Variants in INTS3 observed in about 807,000 individuals in gnomAD.
INTS3 encodes the protein SOSS complex subunit A.
A neutral mutation model predicts 146.3 loss-of-function variants in INTS3; 34 were observed. The ratio of observed to expected loss-of-function variants is 0.23; its 90% CI spans 0.18 to 0.31. The LOEUF (loss-of-function observed/expected upper bound fraction) is 0.31. Ranked by LOEUF, INTS3 falls within the 10% of genes least tolerant of loss-of-function variation. The pLI is 1.00. For missense variants in INTS3, 757 were observed against 1,304.2 expected (o/e 0.58, Z 6.46); for synonymous variants, 475 against 494.9 (o/e 0.96, Z 0.53).
intron 23 of INTS3, 64 bp from the exon 24 acceptor site, chr1:153,770,127 TGGGGGGG>T (rs371912410): frequency 1.0e-5 from 3 of 299,336 alleles, no homozygotes; most frequent in Admixed American, 4.4e-5. Flanking sequence ...GATGGGGGGG[TGGGGGGG>T]GTGTGTGTGT....
rs113417922 is a variant in INTS3, at chr1:153,730,203, G to A, written c.150+1419G>A. Among the ~76,000 whole-genome samples, 610 of 152,266 alleles carry A rather than the reference G, an allele frequency of 4.0e-3. 7 individuals are homozygous for A. The highest frequency in any genetic ancestry group is 0.014 in the African/African-American group (588 of 41,548). On this transcript the variant is annotated intron_variant, in intron 1 of 29. Transcript: ENST00000318967. ...ATGTCTACTTGCAGTCTGCCTTCCC[G>A]TCATGCTTTTCCCTCATAATTCTGT...
rs140298221 is a variant in INTS3 at position 153,768,566 on chromosome 1, C to T, written c.2245-327C>T. ...TATTTATTCTACCACTGCTCCCACA[C>T]AGAATCAGCCACCATGGCCAGTCCT... is the stretch of plus-strand genomic sequence containing the variant. On this transcript the variant is annotated intron_variant, in intron 21 of 29. Transcript: ENST00000318967. Among the ~76,000 whole-genome samples the T allele has an allele frequency of 2.8e-3, 423 of 152,358 alleles. 1 individual carries two copies. The highest frequency in any genetic ancestry group is 8.6e-3 in the African/African-American group (358 of 41,588).
At chr1:153,765,664 G>C (rs1672552560) in intron 20 of INTS3, among the ~76,000 whole-genome samples, 1 of 151,958 alleles carries the variant, frequency 6.6e-6, no homozygotes, top group African/African-American at 2.4e-5. Flanking sequence ...CCACCTCCCG[G>C]GTTCAAGCAA....
intron 23 of INTS3, 76 bp downstream of exon 23, chr1:153,769,920 A>G: frequency 6.4e-6 from 7 of 1,089,214 alleles, no homozygotes; most frequent in South Asian, 3.8e-5. Flanking sequence ...TTACACTATC[A>G]GGAAAGCTGG....
chr1:153,765,131 G>A, intron 20 of INTS3, 68 bp downstream of exon 20: 2 of 1,564,146 alleles, frequency 1.3e-6, no homozygotes, highest in Admixed American at 1.7e-5. Context: ...TCCACACGCT[G>A]ACTCCCCAAC....
intron 13 of INTS3, 33 bp downstream of exon 13, chr1:153,760,951 TC>T (rs1432102225): frequency 7.5e-6 from 12 of 1,599,486 alleles, no homozygotes; most frequent in Admixed American, 5.0e-5. Context: ...GAGGTTGTTT[TC>T]CCATTTTTCA....
At chr1:153,758,425 G>A (rs1484922639) in intron 10 of INTS3, among the ~76,000 whole-genome samples, 2 of 152,230 alleles carry the variant, frequency 1.3e-5, no homozygotes, top group Admixed American at 6.5e-5. Flanking sequence ...TAGTCTGACT[G>A]TTGCCTCAGC....
intron 1 of INTS3, among the ~76,000 whole-genome samples, chr1:153,740,194 G>A (rs1278103739): frequency 1.3e-5 from 2 of 151,906 alleles, no homozygotes; most frequent in Non-Finnish European, 2.9e-5. Context: ...CTGCCTCCCG[G>A]GTTCCAGAGA....
chr1:153,756,543 C>G lies in INTS3; in HGVS notation c.958-1029C>G, dbSNP rs568443613. Among the ~76,000 whole-genome samples the G allele has an allele frequency of 3.3e-5, 5 of 151,958 alleles. No individual in the cohort carries two copies. In the South Asian group the frequency reaches 1.0e-3, roughly 32 times the overall value. ...AAAAAATAATAATTGGGGCCAAGTG[C>G]GGTGGCTCACGCCTGTAATCTCAGT... On this transcript the variant is annotated intron_variant, in intron 9 of 29. Coordinates refer to ENST00000318967, the MANE Select transcript of INTS3 (RefSeq NM_023015.5).
intron 20 of INTS3, among the ~76,000 whole-genome samples, chr1:153,765,436 C>T (rs1380117033): frequency 6.6e-6 from 1 of 152,140 alleles, no homozygotes; most frequent in East Asian, 1.9e-4. Context: ...AGTGATGGTC[C>T]TGCTTCAGCC....
In INTS3 at chr1:153,767,611, C is replaced by T. The variant is rs559746952; in HGVS notation, c.2091-63C>T. 8 of 1,484,256 alleles carry T rather than the reference C, an allele frequency of 5.4e-6. No individual in the cohort carries two copies. The Admixed American group carries it at 6.3e-5, about 12-fold the overall frequency. 91.9% of individuals were successfully genotyped at this position (1,484,256 alleles called of 1,614,324 possible). A position where few individuals can be genotyped will look rare whatever the true frequency, so the allele number is the denominator to read the frequency against. ...GCAGTTTTAGAGCGGGAGCCTGCTT[C>T]GGGGATGCTTGAAGGTGGGCACTGG... On this transcript the variant is annotated intron_variant, in intron 20 of 29. Transcript: ENST00000318967.
intron 13 of INTS3, 53 bp downstream of exon 13, chr1:153,760,971 A>G (rs1672362948): frequency 6.3e-7 from 1 of 1,582,988 alleles, no homozygotes; most frequent in Non-Finnish European, 8.7e-7. Context: ...CATTAGGTCC[A>G]GGTGTATCCA....
chr1:153,746,904 G>T, intron 3 of INTS3, 53 bp from the exon 4 acceptor site: 1 of 1,150,024 alleles, frequency 8.7e-7, no homozygotes, highest in Non-Finnish European at 1.3e-6. Flanking sequence ...TGTGGGTGGG[G>T]TGAGGACCTT....
In INTS3 at chr1:153,728,429, G is replaced by C. The variant is rs888092604; in HGVS notation, c.-206G>C. The C allele has an allele frequency of 1.3e-5, 7 of 557,800 alleles. No homozygotes were observed. Among genetic ancestry groups the C allele is most frequent in the Non-Finnish European group, 2.2e-5 (7 of 323,114 alleles). 34.6% of individuals were successfully genotyped at this position (557,800 alleles called of 1,614,324 possible). A position where few individuals can be genotyped will look rare whatever the true frequency, so the allele number is the denominator to read the frequency against. ...TTTCCCTCAGCACTGCCACCCCAGA[G>C]TCAGGACCCAGAGGACTGTGCCTTC... is the stretch of plus-strand genomic sequence containing the variant. On this transcript the variant is annotated 5_prime_UTR_variant, in exon 1 of 30. Transcript: ENST00000318967.
chr1:153,745,843 T>C (rs1414053957), intron 3 of INTS3, among the ~76,000 whole-genome samples: 1 of 152,122 alleles, frequency 6.6e-6, no homozygotes, highest in African/African-American at 2.4e-5. Context: ...TGGTTGCTCA[T>C]GCCTGTAATT....
At position 153,772,473 on chromosome 1, in the gene INTS3, C is replaced by T. The variant is rs769271535; in HGVS notation, c.2821+33C>T. The T allele has an allele frequency of 1.6e-5, 26 of 1,613,816 alleles. No homozygotes were observed. Among genetic ancestry groups the T allele is most frequent in the South Asian group, 3.3e-5 (3 of 91,076 alleles). On this transcript the variant is annotated intron_variant, in intron 27 of 29. Transcript: ENST00000318967. This position sits in a 1 kb window ranked among gnomAD's most constrained non-coding sequence, Gnocchi z 4.6. ...TTCCACCCTCGGCGTCCAGTGTAGA[C>T]GGTGCTGCCCTGGCCCAGACTATGC... is the stretch of plus-strand genomic sequence containing the variant.
chr1:153,763,500 G>A (rs1416393957), intron 16 of INTS3, 138 bp downstream of exon 16: 1 of 945,134 alleles, frequency 1.1e-6, no homozygotes, highest in Non-Finnish European at 1.6e-6. Context: ...AGCTTCATGA[G>A]GGAGTTCTTC....
intron 6 of INTS3, among the ~76,000 whole-genome samples, chr1:153,750,599 C>T (rs1322648101): frequency 6.6e-6 from 1 of 152,182 alleles, no homozygotes; most frequent in African/African-American, 2.4e-5. Flanking sequence ...GTTCTCAAAA[C>T]TCCAGGTCCT....
chr1:153,769,099 G>C (rs1170154494), intron 22 of INTS3, 138 bp downstream of exon 22: 13 of 695,588 alleles, frequency 1.9e-5, no homozygotes, highest in African/African-American at 1.2e-4. Flanking sequence ...AGTGGTGTGC[G>C]CTTTCAGCCA....
Sources: gnomAD v4.1 joint callset for allele counts (sites outside exome capture counted in the v4.1 genomes callset) on GRCh38, gnomAD v4.1.1 for gene constraint, Gnocchi (gnomAD v3.1) non-coding constraint, MANE v1.5 for transcripts, NCBI Gene and HGNC (gene_info 2026-07-23, HGNC 2026-07-21) for gene names.